Variants in CDKL4 observed in about 807,000 individuals in gnomAD.
CDKL4 encodes the protein cyclin dependent kinase like 4.
Under a neutral mutation model 42.0 loss-of-function variants are expected in CDKL4, and 44 were observed. The observed-to-expected ratio is 1.05, with a 90% confidence interval of 0.82 to 1.35. The LOEUF (loss-of-function observed/expected upper bound fraction) is 1.35, where lower values mean the gene tolerates loss of function less well. Among genes scored for constraint, CDKL4 ranks in the 40% most tolerant of loss-of-function variants. The pLI is 0.00. For synonymous variants in CDKL4, 120 were observed against 121.6 expected (o/e 0.99, Z 0.09); for missense variants, 393 against 369.9 (o/e 1.06, Z -0.51).
chr2:39,178,804 T>A, intron 9 of CDKL4: 1 of 1,556,820 alleles, frequency 6.4e-7, no homozygotes, highest in African/African-American at 1.4e-5. Flanking sequence ...TTATTGCACA[T>A]CTGGAGGCTA....
chr2:39,176,088 C>G (rs1013859088), exon 10 of CDKL4: 1 of 469,414 alleles, frequency 2.1e-6, no homozygotes. Context: ...TGAGAGGCAA[C>G]AGTTGATTCT....
At chr2:39,193,024 AG>A (rs1676280985) in intron 5 of CDKL4, among the ~76,000 whole-genome samples, 1 of 148,964 alleles carries the variant, frequency 6.7e-6, no homozygotes, top group Non-Finnish European at 1.5e-5. Context: ...GCTACATGGG[AG>A]GGTGAGGCAG....
At chr2:39,216,511 T>C (rs901721392) in intron 3 of CDKL4, among the ~76,000 whole-genome samples, 5 of 152,100 alleles carry the variant, frequency 3.3e-5, no homozygotes, top group Non-Finnish European at 5.9e-5. Flanking sequence ...AGTGACATAA[T>C]ATGGAGAATG....
At chr2:39,234,879 C>T (rs2148402874) in intron 1 of CDKL4, among the ~76,000 whole-genome samples, 1 of 150,816 alleles carries the variant, frequency 6.6e-6, no homozygotes, top group Non-Finnish European at 1.5e-5. Context: ...TATAGATAAA[C>T]ATTTAAAAAA....
intron 2 of CDKL4, among the ~76,000 whole-genome samples, chr2:39,228,946 T>C (rs1211284555): frequency 6.6e-6 from 1 of 152,126 alleles, no homozygotes; most frequent in African/African-American, 2.4e-5. Context: ...TGGGGTGCAG[T>C]GCAGGCAGGA....
chr2:39,203,967 T>C (rs940116870), intron 5 of CDKL4, among the ~76,000 whole-genome samples: 1 of 152,206 alleles, frequency 6.6e-6, no homozygotes, highest in Non-Finnish European at 1.5e-5. Context: ...ATGTTGCTAA[T>C]ACATATATTT....
intron 5 of CDKL4, among the ~76,000 whole-genome samples, chr2:39,194,397 C>T (rs961205728): frequency 2.6e-5 from 4 of 152,114 alleles, no homozygotes; most frequent in Non-Finnish European, 5.9e-5. Context: ...TTGCTTGAGC[C>T]CTGGAAGTGG....
chr2:39,221,013 G>GTTTTTTT (rs373203432), intron 3 of CDKL4, among the ~76,000 whole-genome samples: 2 of 73,774 alleles, frequency 2.7e-5, no homozygotes, highest in African/African-American at 4.9e-5. Context: ...TTTTTTTTTT[G>GTTTTTTT]TTTTGTTTTT....
downstream of CDKL4, among the ~76,000 whole-genome samples, chr2:39,170,778 T>C (rs969814929): frequency 6.6e-6 from 1 of 152,100 alleles, no homozygotes; most frequent in Non-Finnish European, 1.5e-5. Context: ...AGGATATTAA[T>C]GTTTGCAAAA....
Position 39,225,966 on chromosome 2 carries a change from A to G in CDKL4, c.169-6T>C. 1 of 1,606,942 alleles carries G rather than the reference A, an allele frequency of 6.2e-7. No individual in the cohort carries two copies. Among genetic ancestry groups the G allele is most frequent in the African/African-American group, 1.3e-5 (1 of 74,522 alleles). On this transcript the variant is annotated splice_region_variant and splice_polypyrimidine_tract_variant and intron_variant, in intron 2 of 9. Transcript: ENST00000451199. ...AGATTTGGATGTTTTAATTGCTGTG[A>G]AAGAATTGAAATGCAAAGTTAAGTG...
At chr2:39,174,086 G>A (rs1675073498), downstream of CDKL4, among the ~76,000 whole-genome samples, 2 of 151,998 alleles carry the variant, frequency 1.3e-5, 1 homozygote, top group South Asian at 4.2e-4. Context: ...TAAGAATGTA[G>A]GCCAGATCAG....
downstream of CDKL4, among the ~76,000 whole-genome samples, chr2:39,172,981 T>C (rs1191875749): frequency 1.3e-5 from 2 of 152,152 alleles, no homozygotes; most frequent in Non-Finnish European, 2.9e-5. Context: ...AAGTGATGGA[T>C]TTGTCTGAGG....
intron 8 of CDKL4, among the ~76,000 whole-genome samples, chr2:39,183,944 C>T (rs534233307): frequency 2.0e-5 from 3 of 152,256 alleles, no homozygotes; most frequent in African/African-American, 4.8e-5. Context: ...ATGGCCCCAC[C>T]GTCTAGATCA....
At chr2:39,217,891 A>G (rs778213848) in intron 3 of CDKL4, among the ~76,000 whole-genome samples, 116 of 151,668 alleles carry the variant, frequency 7.6e-4, no homozygotes, top group Non-Finnish European at 1.1e-3. Context: ...GTGCCATCAC[A>G]CTCAGCTAAC....
chr2:39,234,314 C>G (rs933487655), intron 1 of CDKL4, among the ~76,000 whole-genome samples: 3 of 151,934 alleles, frequency 2.0e-5, no homozygotes, highest in African/African-American at 7.3e-5. Flanking sequence ...CAGAAAAAGA[C>G]AAAATCATCT....
chr2:39,171,405 C>CT (rs1674997125), downstream of CDKL4, among the ~76,000 whole-genome samples: 1 of 152,196 alleles, frequency 6.6e-6, no homozygotes, highest in South Asian at 2.1e-4. Flanking sequence ...ACTCAATCAT[C>CT]TCCCTAATCC....
At chr2:39,224,246 G>T (rs1335613199) in intron 3 of CDKL4, among the ~76,000 whole-genome samples, 1 of 151,468 alleles carries the variant, frequency 6.6e-6, no homozygotes, top group African/African-American at 2.4e-5. Flanking sequence ...CTTTTTTCTC[G>T]ATTTAGTCTT....
intron 8 of CDKL4, among the ~76,000 whole-genome samples, chr2:39,180,196 T>C (rs1375943723): frequency 6.6e-6 from 1 of 152,172 alleles, no homozygotes; most frequent in African/African-American, 2.4e-5. Context: ...CTGGGTAACA[T>C]AGTGAGACCG....
intron 5 of CDKL4, among the ~76,000 whole-genome samples, chr2:39,198,947 C>G (rs905054054): frequency 2.6e-5 from 4 of 151,698 alleles, no homozygotes; most frequent in African/African-American, 7.3e-5. Context: ...AGGAAAAAAA[C>G]AAACGTAAAC....
Sources: gnomAD v4.1 joint callset for allele counts (sites outside exome capture counted in the v4.1 genomes callset) on GRCh38, gnomAD v4.1.1 for gene constraint, MANE v1.5 for transcripts, NCBI Gene and HGNC (gene_info 2026-07-23, HGNC 2026-07-21) for gene names.